Variants in TAMM41 observed in about 807,000 individuals in gnomAD.
TAMM41 encodes the protein phosphatidate cytidylyltransferase, mitochondrial.
TAMM41 carries 36 observed loss-of-function variants against 44.1 expected under a neutral mutation model. The ratio of observed to expected loss-of-function variants is 0.82; its 90% CI spans 0.63 to 1.08. The LOEUF (loss-of-function observed/expected upper bound fraction) is 1.08. Among genes scored for constraint, TAMM41 ranks in the 50% least tolerant of loss-of-function variants. TAMM41 has a pLI of 0.00. For missense variants in TAMM41, 417 were observed against 404.3 expected (o/e 1.03, Z -0.27); for synonymous variants, 164 against 153.1 (o/e 1.07, Z -0.53).
Position 11,839,284 on chromosome 3 carries a change from C to A in TAMM41, c.349G>T (p.Val117Phe). The change falls in exon 3 of 8, where the codon GTT (valine) becomes TTT (phenylalanine). Residue 117 changes from valine to phenylalanine, a missense_variant. By Grantham distance (50) the Val-to-Phe change is conservative. Transcript: ENST00000455809. ...CAGTTGAGGAGATCTTCAATCAGAACGTTAGTGCTAATAACTCCATATTTG... is the reference window on the plus strand; with the variant it reads ...CAGTTGAGGAGATCTTCAATCAGAAAGTTAGTGCTAATAACTCCATATTTG... The part of the protein sequence containing the change: ...LIKYGVISTN[V>F]LIEDLLNWNN... 2 of 1,612,970 alleles carry A rather than the reference C, an allele frequency of 1.2e-6. No homozygotes were observed. Among genetic ancestry groups the A allele is most frequent in the African/African-American group, 1.3e-5 (1 of 74,932 alleles).
intron 7 of TAMM41, among the ~76,000 whole-genome samples, chr3:11,798,132 C>T (rs2077655171): frequency 6.6e-6 from 1 of 152,140 alleles, no homozygotes; most frequent in Admixed American, 6.5e-5. Flanking sequence ...TTTGACCCAG[C>T]AAGCCTATTA....
the TAMM41 span, among the ~76,000 whole-genome samples, chr3:11,726,257 A>C: frequency 7.2e-4 from 110 of 152,378 alleles, 1 homozygote; most frequent in East Asian, 0.02. Flanking sequence ...AGCACTGAGG[A>C]ATCTGAAGAT....
chr3:11,816,100 C>T (rs967880099), intron 5 of TAMM41, among the ~76,000 whole-genome samples: 4 of 151,652 alleles, frequency 2.6e-5, no homozygotes, highest in Non-Finnish European at 4.4e-5. Flanking sequence ...TTTTTAAATT[C>T]CCTTTTTAGC....
chr3:11,754,003 ATC>A, the TAMM41 span, among the ~76,000 whole-genome samples: 1 of 151,958 alleles, frequency 6.6e-6, no homozygotes, highest in Non-Finnish European at 1.5e-5. Context: ...ATCCCTGTCC[ATC>A]TCTGTTTTTT....
At chr3:11,756,195 G>A in the TAMM41 span, among the ~76,000 whole-genome samples, 3 of 152,204 alleles carry the variant, frequency 2.0e-5, no homozygotes, top group Admixed American at 6.5e-5. Flanking sequence ...TGAGGCACTC[G>A]ATTAATGCTT....
the TAMM41 span, among the ~76,000 whole-genome samples, chr3:11,727,087 A>G: frequency 6.6e-6 from 1 of 152,232 alleles, no homozygotes; most frequent in Admixed American, 6.5e-5. Flanking sequence ...GCACCACTCT[A>G]AGTGCTTTAC....
intron 7 of TAMM41, among the ~76,000 whole-genome samples, chr3:11,806,108 T>C (rs2077902049): frequency 6.6e-6 from 1 of 152,206 alleles, no homozygotes; most frequent in Non-Finnish European, 1.5e-5. Context: ...CCCCCAGCCA[T>C]GTGGAACTGC....
intron 2 of TAMM41, among the ~76,000 whole-genome samples, chr3:11,840,236 A>AT (rs34715548): frequency 0.55 from 80,144 of 145,252 alleles, 23,358 homozygotes; most frequent in Middle Eastern, 0.72. Flanking sequence ...AATTAAACTC[A>AT]TTTTTTTTTT....
At chr3:11,766,532 A>ATTTAT in the TAMM41 span, among the ~76,000 whole-genome samples, 1 of 151,572 alleles carries the variant, frequency 6.6e-6, no homozygotes, top group African/African-American at 2.4e-5. Context: ...ATTTTTATTT[A>ATTTAT]TTTATTTTAT....
intron 4 of TAMM41, among the ~76,000 whole-genome samples, chr3:11,823,934 T>G (rs1008400805): frequency 6.6e-6 from 1 of 150,794 alleles, no homozygotes; most frequent in African/African-American, 2.4e-5. Context: ...CAAGCTAGTC[T>G]CCTGCCTCAG....
chr3:11,723,832 T>C, the TAMM41 span, among the ~76,000 whole-genome samples: 2 of 151,972 alleles, frequency 1.3e-5, no homozygotes, highest in Non-Finnish European at 2.9e-5. Flanking sequence ...GAGAATATAT[T>C]TCAACCCAAG....
downstream of TAMM41, among the ~76,000 whole-genome samples, chr3:11,790,260 G>C (rs947994387): frequency 6.6e-6 from 1 of 152,192 alleles, no homozygotes; most frequent in Non-Finnish European, 1.5e-5. Flanking sequence ...GACAGGCAAA[G>C]CTATTCTGCA....
the TAMM41 span, among the ~76,000 whole-genome samples, chr3:11,772,815 A>C: frequency 2.0e-5 from 3 of 152,186 alleles, no homozygotes; most frequent in Non-Finnish European, 4.4e-5. Context: ...GGGGCTCTAC[A>C]TACATTGATG....
At chr3:11,769,382 A>C in the TAMM41 span, among the ~76,000 whole-genome samples, 9 of 144,112 alleles carry the variant, frequency 6.2e-5, no homozygotes, top group Admixed American at 5.7e-4. Context: ...TTTTGTAAGC[A>C]GAAGAGTGGT....
the TAMM41 span, among the ~76,000 whole-genome samples, chr3:11,748,251 A>C: frequency 7.7e-6 from 1 of 130,026 alleles, no homozygotes; most frequent in African/African-American, 3.1e-5. Flanking sequence ...TCATATTAAT[A>C]TTAATATTTT....
chr3:11,805,253 C>T (rs761918708), intron 7 of TAMM41, among the ~76,000 whole-genome samples: 10 of 151,780 alleles, frequency 6.6e-5, no homozygotes, highest in Non-Finnish European at 1.2e-4. Context: ...CTGCCTGTCT[C>T]GGCCTCCCAA....
At chr3:11,803,754 T>C (rs1391452420) in intron 7 of TAMM41, among the ~76,000 whole-genome samples, 2 of 152,202 alleles carry the variant, frequency 1.3e-5, no homozygotes, top group African/African-American at 4.8e-5. Context: ...TACTTAGCCA[T>C]AACAAAGAAT....
chr3:11,807,958 A>T (rs1459158678), intron 6 of TAMM41, 63 bp from the exon 7 acceptor site: 1 of 1,465,176 alleles, frequency 6.8e-7, no homozygotes, highest in East Asian at 2.5e-5. Flanking sequence ...TCATCTTAAC[A>T]GTTTTAAAAC....
chr3:11,728,604 C>T, the TAMM41 span, among the ~76,000 whole-genome samples: 17 of 152,174 alleles, frequency 1.1e-4, no homozygotes, highest in African/African-American at 1.9e-4. Context: ...ATGGGGTCCA[C>T]GATGGGCCCA....
Sources: allele counts gnomAD v4.1 joint callset (sites outside exome capture counted in the v4.1 genomes callset), GRCh38; gene constraint gnomAD v4.1.1; transcripts MANE v1.5; gene names NCBI Gene and HGNC (gene_info 2026-07-23, HGNC 2026-07-21).